The following RYR3 variants were observed in gnomAD, a reference collection of about 807,000 sequenced individuals.
RYR3 encodes brain ryanodine receptor-calcium release channel.
A neutral mutation model predicts 584.3 loss-of-function variants in RYR3; 207 were observed. The ratio of observed to expected loss-of-function variants is 0.35; its 90% CI spans 0.32 to 0.40. RYR3 has a LOEUF of 0.40. Ranked by LOEUF, RYR3 falls within the 10% of genes least tolerant of loss-of-function variation. The pLI is 1.00. For missense variants in RYR3, 5,616 were observed against 6,089.2 expected (o/e 0.92, Z 2.59); for synonymous variants, 2,416 against 2,248.5 (o/e 1.07, Z -2.11).
At chr15:33,444,479 A>G (rs1379644953) in intron 1 of RYR3, among the ~76,000 whole-genome samples, 1 of 152,200 alleles carries the variant, frequency 6.6e-6, no homozygotes, top group African/African-American at 2.4e-5. Flanking sequence ...AGCTGTGCAC[A>G]TAACTTAGCG....
chr15:33,711,235 ATTTTTTTTTTTTTTT>A (rs143373949), intron 43 of RYR3, among the ~76,000 whole-genome samples: 7 of 75,792 alleles, frequency 9.2e-5, no homozygotes, highest in Admixed American at 5.3e-4. Flanking sequence ...TCTTTCTTTC[ATTTTTTTTTTTTTTT>A]TTTTTTTTTT....
At position 33,527,398 on chromosome 15, in the gene RYR3, G is replaced by T. The variant is rs117930034; in HGVS notation, c.280-3194G>T. Among the ~76,000 whole-genome samples the T allele has an allele frequency of 4.0e-3, 614 of 152,208 alleles. 5 individuals carry two copies. The highest frequency in any genetic ancestry group is 0.01 in the Middle Eastern group (3 of 294). On this transcript the variant is annotated intron_variant, in intron 3 of 103. Coordinates refer to ENST00000634891, the MANE Select transcript of RYR3 (RefSeq NM_001036.6). ...GAGTTCGAGACAGCCTGGCCAACAT[G>T]GGAAAACCCCATCTCTGCCAAAAAT...
intron 23 of RYR3, among the ~76,000 whole-genome samples, chr15:33,632,562 G>T (rs2061321974): frequency 6.6e-6 from 1 of 152,168 alleles, no homozygotes; most frequent in Non-Finnish European, 1.5e-5. Context: ...TTGACTCAAG[G>T]TCTTGTTCTT....
chr15:33,592,368 G>A (rs1386430795), intron 16 of RYR3, among the ~76,000 whole-genome samples: 1 of 152,166 alleles, frequency 6.6e-6, no homozygotes, highest in African/African-American at 2.4e-5. Context: ...CTAAGCATCT[G>A]TATTTCTAGA....
intron 1 of RYR3, among the ~76,000 whole-genome samples, chr15:33,430,035 G>A (rs2044994858): frequency 6.6e-6 from 1 of 152,188 alleles, no homozygotes. Flanking sequence ...GGGGAAGGAG[G>A]GCACGTGAGT....
rs534682988 is a variant in RYR3 at position 33,660,529 on chromosome 15, G to A, written c.4622+106G>A. The A allele has an allele frequency of 5.1e-5, 35 of 687,012 alleles. No individual in the cohort carries two copies. In the African/African-American group the frequency reaches 5.9e-4, roughly 12 times the overall value. The allele number at this position is 687,012 out of a possible 1,614,324, so 42.6% of individuals were successfully genotyped here. On this transcript the variant is annotated intron_variant, in intron 34 of 103. Coordinates refer to ENST00000634891, the MANE Select transcript of RYR3 (RefSeq NM_001036.6). The stretch of plus-strand genomic sequence containing the variant: ...GAGCATCTGTGTTGGATCCTGCTCA[G>A]TCCCAGTATGACTTGATTTCCCCAG...
At chr15:33,591,660 G>C (rs1478660575) in intron 16 of RYR3, among the ~76,000 whole-genome samples, 6 of 152,212 alleles carry the variant, frequency 3.9e-5, no homozygotes, top group Admixed American at 2.0e-4. Context: ...CCCTGAAGCT[G>C]CCTTACTCCA....
chr15:33,524,967 A>G (rs894881509), intron 3 of RYR3, among the ~76,000 whole-genome samples: 2 of 152,174 alleles, frequency 1.3e-5, no homozygotes, highest in Non-Finnish European at 2.9e-5. Flanking sequence ...GTACAATCGT[A>G]TCTGTCTTCT....
intron 97 of RYR3, 51 bp from the exon 98 acceptor site, chr15:33,854,715 A>G (rs2079464173): frequency 6.4e-7 from 1 of 1,554,438 alleles, no homozygotes; most frequent in Admixed American, 2.1e-5. Flanking sequence ...TTTTATAATG[A>G]GCACACTATG....
intron 57 of RYR3, among the ~76,000 whole-genome samples, chr15:33,753,006 T>A (rs1237767636): frequency 1.3e-5 from 2 of 152,230 alleles, no homozygotes; most frequent in East Asian, 3.8e-4. Flanking sequence ...GAAGGCCTTT[T>A]CTCCCTCTAT....
chr15:33,771,954 G>C lies in RYR3; in HGVS notation c.8851G>C (p.Ala2951Pro), dbSNP rs1361747843. 2 of 1,612,990 alleles carry C rather than the reference G, an allele frequency of 1.2e-6. No homozygotes were observed. Among genetic ancestry groups the C allele is most frequent in the Admixed American group, 1.7e-5 (1 of 59,904 alleles). ...VMKSGSELVK[A>P]GLRAFFENAA... The stretch of plus-strand genomic sequence containing the variant: ...GAAGTCAGGCTCAGAGCTGGTGAAG[G>C]CTGGGTTACGAGCATTCTTTGAAAA... Residue 2951 changes from alanine to proline, a missense_variant, in exon 63 of 104, where the codon GCT (alanine) becomes CCT (proline). Transcript: ENST00000634891.
intron 1 of RYR3, among the ~76,000 whole-genome samples, chr15:33,343,616 ATTG>A (rs894768865): frequency 1.1e-4 from 16 of 152,200 alleles, no homozygotes; most frequent in African/African-American, 3.9e-4. Context: ...ATGAAAAGAA[ATTG>A]TTGTTATCAG....
chr15:33,600,263 G>T (rs1045293579), intron 16 of RYR3, among the ~76,000 whole-genome samples: 1 of 152,094 alleles, frequency 6.6e-6, no homozygotes, highest in Admixed American at 6.6e-5. Flanking sequence ...CAAATGCCAT[G>T]AACACCTTGA....
chr15:33,830,723 G>A, intron 85 of RYR3: 1 of 358,166 alleles, frequency 2.8e-6, no homozygotes, highest in Non-Finnish European at 5.0e-6. Flanking sequence ...CTATTTCATA[G>A]TCTCCAAGTT....
intron 6 of RYR3, among the ~76,000 whole-genome samples, chr15:33,539,950 T>C (rs1333829052): frequency 1.3e-5 from 2 of 151,030 alleles, no homozygotes; most frequent in African/African-American, 4.9e-5. Flanking sequence ...TCAGGGGGAG[T>C]AGAGGTGGAA....
intron 102 of RYR3, among the ~76,000 whole-genome samples, chr15:33,862,342 G>C (rs1045919751): frequency 6.6e-6 from 1 of 150,808 alleles, no homozygotes; most frequent in Non-Finnish European, 1.5e-5. Context: ...CTGAGTAGCT[G>C]GGACAGGTGT....
At chr15:33,491,427 GA>G (rs1316497150) in intron 2 of RYR3, among the ~76,000 whole-genome samples, 6 of 152,236 alleles carry the variant, frequency 3.9e-5, no homozygotes, top group Non-Finnish European at 8.8e-5. Context: ...TGGCTAATCT[GA>G]AGCATTTATC....
chr15:33,335,421 T>C (rs1244111321), intron 1 of RYR3, among the ~76,000 whole-genome samples: 2 of 152,106 alleles, frequency 1.3e-5, no homozygotes, highest in Non-Finnish European at 2.9e-5. Flanking sequence ...AGCAAACTAA[T>C]ACAGGAACAG....
intron 59 of RYR3, 73 bp from the exon 60 acceptor site, chr15:33,757,402 A>C: frequency 1.3e-6 from 2 of 1,509,222 alleles, no homozygotes; most frequent in Non-Finnish European, 1.8e-6. Flanking sequence ...CACTGAAAAT[A>C]AACACTTTTA....
Sources: gnomAD v4.1 joint callset for allele counts (sites outside exome capture counted in the v4.1 genomes callset) on GRCh38, gnomAD v4.1.1 for gene constraint, MANE v1.5 for transcripts, NCBI Gene and HGNC (gene_info 2026-07-23, HGNC 2026-07-21) for gene names.